Variants in FAM110B observed in about 807,000 individuals in gnomAD.
FAM110B encodes the protein protein FAM110B.
Under a neutral mutation model 20.4 loss-of-function variants are expected in FAM110B, and 6 were observed. The ratio of observed to expected loss-of-function variants is 0.29; its 90% CI spans 0.16 to 0.58. FAM110B has a LOEUF of 0.58. Ranked by LOEUF, FAM110B falls within the 20% of genes least tolerant of loss-of-function variation. FAM110B has a pLI of 0.90. For synonymous variants in FAM110B, 226 were observed against 214.1 expected, an observed-to-expected ratio of 1.06 and a Z score of -0.49; for missense variants, 434 against 498.2, an observed-to-expected ratio of 0.87 and a Z score of 1.23.
At chr8:58,071,123 A>T (rs1395354296) in intron 2 of FAM110B, among the ~76,000 whole-genome samples, 2 of 152,056 alleles carry the variant, frequency 1.3e-5, no homozygotes, top group Non-Finnish European at 2.9e-5. Flanking sequence ...ATTTCTATTA[A>T]TTTTTTCCTG....
At chr8:58,010,500 T>C (rs1328807734) in intron 1 of FAM110B, among the ~76,000 whole-genome samples, 2 of 152,226 alleles carry the variant, frequency 1.3e-5, no homozygotes, top group African/African-American at 4.8e-5. Flanking sequence ...CCATACTCTG[T>C]TGAGTGATCT....
chr8:58,070,634 G>A (rs1194208277), intron 2 of FAM110B, among the ~76,000 whole-genome samples: 3 of 152,158 alleles, frequency 2.0e-5, no homozygotes, highest in Non-Finnish European at 2.9e-5. Flanking sequence ...GATGCTTACC[G>A]ACTCGCTTCT....
chr8:58,009,929 C>T (rs552644527), intron 1 of FAM110B, among the ~76,000 whole-genome samples: 329 of 152,144 alleles, frequency 2.2e-3, no homozygotes, highest in African/African-American at 7.1e-3. Flanking sequence ...TTTGGATTTC[C>T]GTAACTCATT....
chr8:57,997,505 T>G (rs1395034558), intron 1 of FAM110B, among the ~76,000 whole-genome samples: 1 of 152,198 alleles, frequency 6.6e-6, no homozygotes, highest in Non-Finnish European at 1.5e-5. Flanking sequence ...ATCTGAACTT[T>G]TTTTCATACT....
chr8:58,061,198 G>C (rs1805651703), intron 2 of FAM110B, among the ~76,000 whole-genome samples: 3 of 152,148 alleles, frequency 2.0e-5, no homozygotes, highest in African/African-American at 4.8e-5. Context: ...AATTATAAAA[G>C]CTTCTTTGGT....
chr8:58,071,430 A>G (rs1472252923), intron 2 of FAM110B, among the ~76,000 whole-genome samples: 1 of 152,204 alleles, frequency 6.6e-6, no homozygotes, highest in Non-Finnish European at 1.5e-5. Context: ...GTCTGCTGTC[A>G]CCAGAGCCTT....
chr8:58,000,229 C>A lies in FAM110B; in HGVS notation c.-512+5423C>A, dbSNP rs80215188. On this transcript the variant is annotated intron_variant, in intron 1 of 3. Coordinates refer to ENST00000519262, the MANE Select transcript of FAM110B (RefSeq NM_001377989.1). ...CAGGTCAGCAGGGCCTTATGGACCA[C>A]AGCGGAGTTGGGGTTGGGGTGGAGT... Among the ~76,000 whole-genome samples, 992 of 152,292 alleles carry A rather than the reference C, an allele frequency of 6.5e-3. 10 individuals are homozygous for A. Among genetic ancestry groups the A allele is most frequent in the African/African-American group, 0.023 (940 of 41,558 alleles).
chr8:58,017,362 A>G (rs1804660292), intron 1 of FAM110B, among the ~76,000 whole-genome samples: 3 of 152,212 alleles, frequency 2.0e-5, no homozygotes, highest in African/African-American at 7.2e-5. Flanking sequence ...AAAACCTGAA[A>G]GTCGAGTTAA....
intron 3 of FAM110B, among the ~76,000 whole-genome samples, chr8:58,124,658 T>A (rs189999366): frequency 6.6e-6 from 1 of 152,324 alleles, no homozygotes; most frequent in Non-Finnish European, 1.5e-5. Flanking sequence ...CCTGTTTGCA[T>A]CACTGATACT....
intron 3 of FAM110B, among the ~76,000 whole-genome samples, chr8:58,084,658 G>C (rs1351571725): frequency 6.6e-6 from 1 of 152,134 alleles, no homozygotes; most frequent in Non-Finnish European, 1.5e-5. Flanking sequence ...AAAGTGCTGG[G>C]ATTATAGGCA....
At chr8:58,082,459 T>A (rs1428428488) in intron 3 of FAM110B, among the ~76,000 whole-genome samples, 1 of 152,216 alleles carries the variant, frequency 6.6e-6, no homozygotes, top group African/African-American at 2.4e-5. Flanking sequence ...TATTCATCAT[T>A]TACATTCTAT....
At chr8:58,030,835 G>C (rs1804949024) in intron 1 of FAM110B, among the ~76,000 whole-genome samples, 1 of 152,152 alleles carries the variant, frequency 6.6e-6, no homozygotes, top group Admixed American at 6.5e-5. Context: ...ATTGCCAGCT[G>C]TCCCGATAAC....
intron 1 of FAM110B, among the ~76,000 whole-genome samples, chr8:58,021,854 C>T (rs1474903775): frequency 6.6e-6 from 1 of 152,136 alleles, no homozygotes; most frequent in African/African-American, 2.4e-5. Context: ...ACATGAATTT[C>T]CTTGAAGTTC....
chr8:58,071,926 G>A (rs1186224171), intron 2 of FAM110B, among the ~76,000 whole-genome samples: 1 of 152,176 alleles, frequency 6.6e-6, no homozygotes, highest in East Asian at 1.9e-4. Flanking sequence ...CATTGCAGAA[G>A]GGTGCGTATC....
At chr8:58,074,305 C>T (rs1805978993) in intron 2 of FAM110B, among the ~76,000 whole-genome samples, 1 of 152,116 alleles carries the variant, frequency 6.6e-6, no homozygotes, top group African/African-American at 2.4e-5. Context: ...CTGTCCATGC[C>T]ACCTGCTTTC....
At chr8:58,129,078 A>G (rs1807585000) in intron 3 of FAM110B, among the ~76,000 whole-genome samples, 2 of 152,236 alleles carry the variant, frequency 1.3e-5, no homozygotes, top group African/African-American at 2.4e-5. Context: ...GACTCCGTCT[A>G]TCTTTAGAGC....
chr8:58,093,158 C>T (rs1206853626), intron 3 of FAM110B, among the ~76,000 whole-genome samples: 1 of 152,088 alleles, frequency 6.6e-6, no homozygotes, highest in Non-Finnish European at 1.5e-5. Context: ...AGCCCTTCGT[C>T]AGATGGATAG....
intron 3 of FAM110B, among the ~76,000 whole-genome samples, chr8:58,122,581 G>A (rs1184489016): frequency 6.6e-6 from 1 of 152,012 alleles, no homozygotes; most frequent in African/African-American, 2.4e-5. Context: ...TAAATTTTAA[G>A]TATATATTTA....
chr8:58,098,641 G>C (rs1806695121), intron 3 of FAM110B, among the ~76,000 whole-genome samples: 1 of 152,196 alleles, frequency 6.6e-6, no homozygotes, highest in Non-Finnish European at 1.5e-5. Context: ...CGGCTGCCCA[G>C]TTTTGTGCAG....
Sources: allele counts gnomAD v4.1 joint callset (sites outside exome capture counted in the v4.1 genomes callset), GRCh38; gene constraint gnomAD v4.1.1; transcripts MANE v1.5; gene names NCBI Gene and HGNC (gene_info 2026-07-23, HGNC 2026-07-21).